PRPF38B: variants seen among roughly 807,000 people sequenced by gnomAD.
The protein encoded by PRPF38B is pre-mRNA processing factor 38B.
In PRPF38B, 18 loss-of-function variants were observed where a neutral mutation model predicts 67.2. That is an observed-to-expected ratio of 0.27 (90% CI 0.19 to 0.40). The LOEUF (loss-of-function observed/expected upper bound fraction) is 0.40. Ranked by LOEUF, PRPF38B falls within the 10% of genes least tolerant of loss-of-function variation. PRPF38B has a pLI of 1.00. For missense variants in PRPF38B, 544 were observed against 684.9 expected (o/e 0.79, Z 2.30); for synonymous variants, 246 against 234.2 (o/e 1.05, Z -0.46).
In PRPF38B at chr1:108,700,323, A is replaced by G. The variant is rs1660348502; in HGVS notation, c.*303A>G. The G allele has an allele frequency of 3.9e-6, 1 of 259,688 alleles. No individual in the cohort carries two copies. The highest frequency in any genetic ancestry group is 6.9e-6 in the Non-Finnish European group (1 of 144,138). The allele number at this position is 259,688 out of a possible 1,614,324, so 16.1% of individuals were successfully genotyped here. On this transcript the variant is annotated 3_prime_UTR_variant, in exon 6 of 6. Coordinates refer to ENST00000370025, the MANE Select transcript of PRPF38B (RefSeq NM_018061.4). ...TTTTAATTCCTTTGGCATGGTTGCC[A>G]TGTTGGTTAAATTTGTATAAGGCAA... is the stretch of plus-strand genomic sequence containing the variant.
In PRPF38B at chr1:108,692,337, A is replaced by G; in HGVS notation, c.-255A>G. 1.9e-6 allele frequency: 1 copy of G among 532,246 alleles called. No individual in the cohort carries two copies. Among genetic ancestry groups the G allele is most frequent in the Non-Finnish European group, 3.3e-6 (1 of 299,162 alleles). 33.0% of individuals were successfully genotyped at this position (532,246 alleles called of 1,614,324 possible). On this transcript the variant is annotated 5_prime_UTR_variant, in exon 1 of 6. Coordinates refer to ENST00000370025, the MANE Select transcript of PRPF38B (RefSeq NM_018061.4). ...CTTGTTCCCAGGGGCAGTTGGCGGA[A>G]GAGATCGAGCTCCCTGGCTGCCGGC...
chr1:108,695,798 T>G (rs894734530), intron 2 of PRPF38B, 28 bp downstream of exon 2: 2 of 1,606,088 alleles, frequency 1.2e-6, no homozygotes, highest in African/African-American at 1.3e-5. Context: ...CATTTTTCAG[T>G]TTTTCTGTGT....
At chr1:108,696,398 T>C in intron 4 of PRPF38B, 61 bp downstream of exon 4, 1 of 1,432,444 alleles carries the variant, frequency 7.0e-7, no homozygotes, top group Non-Finnish European at 9.7e-7. Context: ...TTATTATCTT[T>C]TATTTATTGG....
At position 108,699,597 on chromosome 1, in the gene PRPF38B, C is replaced by T. The variant is rs1278981824; in HGVS notation, c.1218C>T (p.Asp406=). 4 of 1,552,814 alleles carry T rather than the reference C, an allele frequency of 2.6e-6. No individual in the cohort carries two copies. The highest frequency in any genetic ancestry group is 2.4e-5 in the East Asian group (1 of 40,938). Reference sequence around the variant, plus strand: ...TAGAAGAGAAGAAACATAAAGAAGACAAAGATGATAGGCGGCACAGAGATG... The same window carrying T: ...TAGAAGAGAAGAAACATAAAGAAGATAAAGATGATAGGCGGCACAGAGATG... ...GEVEEKKHKE[D]KDDRRHRDDK... The change falls in exon 6 of 6, where the codon GAC becomes GAT. Residue 406 remains aspartate, a synonymous_variant. Coordinates refer to ENST00000370025, the MANE Select transcript of PRPF38B (RefSeq NM_018061.4).
In PRPF38B at chr1:108,699,950, G is replaced by A. The variant is rs140893827; in HGVS notation, c.1571G>A (p.Arg524His). ...DSKDQSDKHD[R>H]RRSQSIEQES... ...AAGGACCAGTCAGACAAACATGATCGTCGAAGGAGCCAAAGTATAGAACAA... is the reference window on the plus strand; with the variant it reads ...AAGGACCAGTCAGACAAACATGATCATCGAAGGAGCCAAAGTATAGAACAA... The change falls in exon 6 of 6, where the codon CGT becomes CAT. Residue 524 changes from arginine to histidine, a missense_variant. Physicochemically the swap from Arg to His is conservative, Grantham distance 29. Around this residue, in one of 5 missense-constraint regions of PRPF38B, gnomAD observed 387 missense variants for 386.1 expected, o/e 1.00. Transcript: ENST00000370025. 31 of 1,613,208 alleles carry A rather than the reference G, an allele frequency of 1.9e-5. No homozygotes were observed. The African/African-American group carries it at 2.0e-4, about 10-fold the overall frequency.
In PRPF38B at chr1:108,699,910, G is replaced by C; in HGVS notation, c.1531G>C (p.Asp511His). Residue 511 changes from aspartate (D) to histidine (H), a missense_variant, in exon 6 of 6, where the codon GAT becomes CAT. Asp to His is a moderately conservative substitution (Grantham distance 81, BLOSUM62 -1). Transcript: ENST00000370025. ...SRSKERSHKR[D>H]HSDSKDQSDK... is the part of the protein sequence containing the mutation. ...AAGCAAAGAACGTTCCCACAAACGA[G>C]ATCACAGTGATAGTAAGGACCAGTC... The C allele has an allele frequency of 1.9e-6, 3 of 1,614,198 alleles. No individual in the cohort carries two copies. The highest frequency in any genetic ancestry group is 2.5e-6 in the Non-Finnish European group (3 of 1,180,032).
In PRPF38B at chr1:108,702,905, T is replaced by G. The variant is rs1660655832; in HGVS notation, c.*2885T>G. 6.6e-6 allele frequency among the ~76,000 whole-genome samples: 1 copy of G among 152,224 alleles called. No homozygotes were observed. Among genetic ancestry groups the G allele is most frequent in the African/African-American group, 2.4e-5 (1 of 41,462 alleles). ...CCTGTTTTTAATGTTCAATTTGCAA[T>G]TAAATTCTATACATGGGCGAGTATA... On this transcript the variant is annotated 3_prime_UTR_variant, in exon 6 of 6. Coordinates refer to ENST00000370025, the MANE Select transcript of PRPF38B (RefSeq NM_018061.4).
At chr1:108,693,884 G>C (rs772876888) in intron 1 of PRPF38B, among the ~76,000 whole-genome samples, 2 of 152,090 alleles carry the variant, frequency 1.3e-5, no homozygotes, top group Non-Finnish European at 2.9e-5. Context: ...TTTATCCGGA[G>C]CATCTAATAC....
Position 108,702,247 on chromosome 1 carries a change from T to A in PRPF38B, c.*2227T>A, listed in dbSNP as rs1030192045. On this transcript the variant is annotated 3_prime_UTR_variant, in exon 6 of 6. Coordinates refer to ENST00000370025, the MANE Select transcript of PRPF38B (RefSeq NM_018061.4). ...CTCAAGTGATCCTCCGAACTTGGCC[T>A]CCTAAGTAGCTGGGACCACAGGTGC... 3.3e-5 allele frequency among the ~76,000 whole-genome samples: 5 copies of A among 152,152 alleles called. No individual in the cohort carries two copies. The highest frequency in any genetic ancestry group is 1.2e-4 in the African/African-American group (5 of 41,430).
chr1:108,692,609 C>T lies in PRPF38B; in HGVS notation c.18C>T (p.Pro6=), dbSNP rs758136170. Residue 6 remains proline, a synonymous_variant, in exon 1 of 6, where the codon CCC becomes CCT. Transcript: ENST00000370025. The part of the protein sequence containing the change: MANNS[P]ALTGNSQPQH... ...GCCGCAACATGGCTAACAACAGCCC[C>T]GCGCTGACAGGCAACTCGCAGCCGC... 8.1e-6 allele frequency: 13 copies of T among 1,600,100 alleles called. No individual in the cohort carries two copies. In the East Asian group the frequency reaches 2.9e-4, roughly 36 times the overall value.
At chr1:108,696,648 T>C in intron 4 of PRPF38B, 1 of 697,650 alleles carries the variant, frequency 1.4e-6, no homozygotes, top group South Asian at 1.6e-5. Flanking sequence ...TAGTGACTTT[T>C]CAAGATGGGG....
In PRPF38B at chr1:108,700,265, A is replaced by C; in HGVS notation, c.*245A>C. ...CTTGCATTTTTATTGTTTGTTTTTGAAATGTACAGTCTGTACATATGTCCT... is the reference window on the plus strand; with the variant it reads ...CTTGCATTTTTATTGTTTGTTTTTGCAATGTACAGTCTGTACATATGTCCT... On this transcript the variant is annotated 3_prime_UTR_variant, in exon 6 of 6. Coordinates refer to ENST00000370025, the MANE Select transcript of PRPF38B (RefSeq NM_018061.4). 1.7e-6 allele frequency: 1 copy of C among 576,876 alleles called. No homozygotes were observed. Among genetic ancestry groups the C allele is most frequent in the Non-Finnish European group, 2.6e-6 (1 of 379,752 alleles). 35.7% of individuals were successfully genotyped at this position (576,876 alleles called of 1,614,324 possible).
Position 108,699,588 on chromosome 1 carries a change from TAAAG to T in PRPF38B, c.1212_1215del (p.Glu405ThrfsTer125). 3 of 1,551,214 alleles carry T rather than the reference TAAAG, an allele frequency of 1.9e-6. No homozygotes were observed. Among genetic ancestry groups the T allele is most frequent in the Non-Finnish European group, 2.6e-6 (3 of 1,147,150 alleles). ...GGGGAGAGGTAGAAGAGAAGAAACA[TAAAG>T]AAGACAAAGATGATAGGCGGCACAG... On this transcript the variant is annotated frameshift_variant, in exon 6 of 6. Transcript: ENST00000370025. LOFTEE classifies it high-confidence loss of function.
chr1:108,697,403 C>T (rs1659978644), intron 4 of PRPF38B: 1 of 151,474 alleles, frequency 6.6e-6, no homozygotes, highest in Non-Finnish European at 1.5e-5. Flanking sequence ...TGTCAGTAGT[C>T]TATTTACAGA....
chr1:108,699,962 A>G lies in PRPF38B; in HGVS notation c.1583A>G (p.Gln528Arg). 3.1e-6 allele frequency: 5 copies of G among 1,612,064 alleles called. No homozygotes were observed. Among genetic ancestry groups the G allele is most frequent in the Middle Eastern group, 1.7e-4 (1 of 6,056 alleles). The change falls in exon 6 of 6, where the codon CAA (glutamine) becomes CGA (arginine). Residue 528 changes from glutamine (Q) to arginine (R), a missense_variant. Gln to Arg is a conservative substitution (Grantham distance 43). This residue lies in a region of PRPF38B where 387 missense variants were observed against 386.1 expected (regional missense o/e 1.00). Coordinates refer to ENST00000370025, the MANE Select transcript of PRPF38B (RefSeq NM_018061.4). ...GACAAACATGATCGTCGAAGGAGCC[A>G]AAGTATAGAACAAGAGAGCCAAGAA... ...QSDKHDRRRS[Q>R]SIEQESQEKQ... is the part of the protein sequence containing the mutation.
At position 108,698,757 on chromosome 1, in the gene PRPF38B, A is replaced by G; in HGVS notation, c.712A>G (p.Arg238Gly). Residue 238 changes from arginine to glycine, a missense_variant, in exon 5 of 6, where the codon AGA becomes GGA. Coordinates refer to ENST00000370025, the MANE Select transcript of PRPF38B (RefSeq NM_018061.4). ...NIDQQIKTRPRKIKKDGKEGA... is the reference protein window; with the variant it reads ...NIDQQIKTRPGKIKKDGKEGA... ...TGATCAACAGATTAAAACCCGACCT[A>G]GAAAAATCAAGAAAGATGGGAAGGA... 4 of 1,614,108 alleles carry G rather than the reference A, an allele frequency of 2.5e-6. No individual in the cohort carries two copies. The highest frequency in any genetic ancestry group is 2.2e-5 in the East Asian group (1 of 44,872).
chr1:108,699,847 C>A lies in PRPF38B; in HGVS notation c.1468C>A (p.His490Asn), dbSNP rs779636025. The change falls in exon 6 of 6, where the codon CAT becomes AAT. Residue 490 changes from histidine to asparagine, a missense_variant. This residue lies in a region of PRPF38B where 387 missense variants were observed against 386.1 expected (regional missense o/e 1.00). Transcript: ENST00000370025. The part of the protein sequence containing the change: ...DSVEKSKKRE[H>N]SPSKEKSRKR... ...TGTTGAAAAATCAAAAAAACGGGAA[C>A]ATAGTCCCAGCAAAGAAAAATCTAG... 7 of 1,613,626 alleles carry A rather than the reference C, an allele frequency of 4.3e-6. No homozygotes were observed. In the African/African-American group the frequency reaches 8.0e-5, roughly 18 times the overall value.
Position 108,700,507 on chromosome 1 carries a change from A to G in PRPF38B, c.*487A>G, listed in dbSNP as rs894781782. 2 of 154,138 alleles carry G rather than the reference A, an allele frequency of 1.3e-5. No individual in the cohort carries two copies. Among genetic ancestry groups the G allele is most frequent in the African/African-American group, 2.4e-5 (1 of 41,464 alleles). The allele number at this position is 154,138 out of a possible 1,614,324, so 9.5% of individuals were successfully genotyped here. ...AAGTATGTGCTGCCAATGTACAAGAAGGCAGCATTGTAGGATTAACATTCT... is the reference window on the plus strand; with the variant it reads ...AAGTATGTGCTGCCAATGTACAAGAGGGCAGCATTGTAGGATTAACATTCT... On this transcript the variant is annotated 3_prime_UTR_variant, in exon 6 of 6. Transcript: ENST00000370025.
At position 108,701,925 on chromosome 1, in the gene PRPF38B, TTTGTC is replaced by T. The variant is rs1660536516; in HGVS notation, c.*1910_*1914del. 6.6e-6 allele frequency: 1 copy of T among 152,160 alleles called. No individual in the cohort carries two copies. The highest frequency in any genetic ancestry group is 2.4e-5 in the African/African-American group (1 of 41,428). 9.4% of individuals were successfully genotyped at this position (152,160 alleles called of 1,614,324 possible). A position where few individuals can be genotyped will look rare whatever the true frequency, so the allele number is the denominator to read the frequency against. ...ATTGTATAATATGAAAGCCACTAAATTTGTCTTGTGTTGAAAATCTACTTTTAGCA... is the reference window on the plus strand; with the variant it reads ...ATTGTATAATATGAAAGCCACTAAATTTGTGTTGAAAATCTACTTTTAGCA... On this transcript the variant is annotated 3_prime_UTR_variant, in exon 6 of 6. Coordinates refer to ENST00000370025, the MANE Select transcript of PRPF38B (RefSeq NM_018061.4).
Sources: allele counts gnomAD v4.1 joint callset (sites outside exome capture counted in the v4.1 genomes callset), GRCh38; gene constraint gnomAD v4.1.1; regional missense constraint gnomAD v4.1.1; transcripts MANE v1.5; gene names NCBI Gene and HGNC (gene_info 2026-07-23, HGNC 2026-07-21).